DENND1C: variants seen among roughly 807,000 people sequenced by gnomAD.
DENND1C encodes DENN domain-containing protein 1C.
Under a neutral mutation model 87.9 loss-of-function variants are expected in DENND1C, and 64 were observed. That is an observed-to-expected ratio of 0.73 (90% confidence interval 0.60 to 0.90). The LOEUF (loss-of-function observed/expected upper bound fraction) is 0.90, where lower values mean the gene tolerates loss of function less well. Among genes scored for constraint, DENND1C ranks in the 40% least tolerant of loss-of-function variants. DENND1C has a pLI of 0.00. For missense variants in DENND1C, 980 were observed against 1,037.0 expected (o/e 0.95, Z 0.76); for synonymous variants, 384 against 424.4 (o/e 0.90, Z 1.17).
At position 6,468,375 on chromosome 19, in the gene DENND1C, G is replaced by T. The variant is rs1488535133; in HGVS notation, c.1650C>A (p.Phe550Leu). Residue 550 changes from phenylalanine (F) to leucine (L), a missense_variant, in exon 22 of 23, where the codon TTC becomes TTA. Physicochemically the swap from Phe to Leu is conservative, Grantham distance 22 (BLOSUM62 0). Transcript: ENST00000381480. ...PWAEEALDSS[F>L]LGSGEELDLL... is the part of the protein sequence containing the mutation. ...AATCCAGTTCTTCTCCAGACCCCAAGAAGCTGCTGTCCAGAGCTTCTTCTG... is the reference window on the plus strand; with the variant it reads ...AATCCAGTTCTTCTCCAGACCCCAATAAGCTGCTGTCCAGAGCTTCTTCTG... The T allele has an allele frequency of 1.2e-6, 2 of 1,613,804 alleles. No individual in the cohort carries two copies. The highest frequency in any genetic ancestry group is 1.7e-6 in the Non-Finnish European group (2 of 1,179,868).
At chr19:6,478,898 G>A (rs2092879138) in intron 5 of DENND1C, 39 bp downstream of exon 5, 1 of 1,613,894 alleles carries the variant, frequency 6.2e-7, no homozygotes. Flanking sequence ...CTAGGCCTCG[G>A]CCTTTCCCAT....
chr19:6,469,734 T>G lies in DENND1C; in HGVS notation c.1363-94A>C. 3 of 1,364,304 alleles carry G rather than the reference T, an allele frequency of 2.2e-6. No individual in the cohort carries two copies. The South Asian group carries it at 3.8e-5, about 17-fold the overall frequency. The allele number at this position is 1,364,304 out of a possible 1,614,324, so 84.5% of individuals were successfully genotyped here. Reference sequence around the variant, plus strand: ...TGTCCCCTAAGATAGCTTTTTTTTTTGCCATCTGCATGTCTCAAATACGTT... The same window carrying G: ...TGTCCCCTAAGATAGCTTTTTTTTTGGCCATCTGCATGTCTCAAATACGTT... On this transcript the variant is annotated intron_variant, in intron 18 of 22. Transcript: ENST00000381480.
Position 6,471,403 on chromosome 19 carries a change from C to T in DENND1C, c.1249+3G>A. 1.3e-6 allele frequency: 2 copies of T among 1,585,550 alleles called. No individual in the cohort carries two copies. The highest frequency in any genetic ancestry group is 2.7e-5 in the African/African-American group (2 of 74,344). ...GGACCCAGGGGCTGGACTCAGGGCT[C>T]ACCTGAGGAGGCCCCGCAGCCAGTG... On this transcript the variant is annotated splice_donor_region_variant and intron_variant, in intron 16 of 22. Transcript: ENST00000381480.
intron 1 of DENND1C, among the ~76,000 whole-genome samples, chr19:6,481,242 C>T (rs1412050004): frequency 6.6e-6 from 1 of 151,850 alleles, no homozygotes; most frequent in African/African-American, 2.4e-5. Context: ...CACTGTCCCG[C>T]CCAGTTGCAC....
intron 1 of DENND1C, chr19:6,480,561 C>CCCACCTAT (rs1295403199): frequency 1.6e-5 from 2 of 124,946 alleles, no homozygotes; most frequent in Admixed American, 2.6e-4. Flanking sequence ...CACCCACCCA[C>CCCACCTAT]CTATCTATCT....
In DENND1C at chr19:6,467,650, C is replaced by T; in HGVS notation, c.2260G>A (p.Ala754Thr). The T allele has an allele frequency of 6.5e-7, 1 of 1,537,244 alleles. No homozygotes were observed. Among genetic ancestry groups the T allele is most frequent in the South Asian group, 1.3e-5 (1 of 77,980 alleles). The stretch of plus-strand genomic sequence containing the variant: ...AGGTGAGCGCGCTCTGCCAGCAGGG[C>T]TTTGGGAGGCCGGGCTCTGGGGTCC... ...LEDPRARPPK[A>T]LLAERAHLQP... The change falls in exon 23 of 23, where the codon GCC becomes ACC. Residue 754 changes from alanine to threonine, a missense_variant. By Grantham distance (58) the Ala-to-Thr change is moderately conservative (BLOSUM62 0). Coordinates refer to ENST00000381480, the MANE Select transcript of DENND1C (RefSeq NM_024898.4).
intron 10 of DENND1C, 66 bp from the exon 11 acceptor site, chr19:6,476,003 G>C (rs1022960390): frequency 1.4e-5 from 19 of 1,388,266 alleles, no homozygotes; most frequent in Non-Finnish European, 1.7e-5. Flanking sequence ...TCTTCCAGCT[G>C]CATTTCCCAC....
At position 6,479,286 on chromosome 19, in the gene DENND1C, T is replaced by C. The variant is rs560663799; in HGVS notation, c.177-230A>G. ...CTGGATCTCTGGGTTTCTGGATCTC[T>C]GGGTCCTTGAATCCCTAAGTCCCTG... is the stretch of plus-strand genomic sequence containing the variant. On this transcript the variant is annotated intron_variant, in intron 4 of 22. Transcript: ENST00000381480. 1.7e-4 allele frequency among the ~76,000 whole-genome samples: 25 copies of C among 150,236 alleles called. 1 individual carries two copies. The South Asian group carries it at 5.2e-3, about 31-fold the overall frequency.
In DENND1C at chr19:6,469,077, G is replaced by C. The variant is rs145212451; in HGVS notation, c.1408-124C>G. ...ATGAAGCTTCACTCATGTTGCCCAGGCTGGAGTGCAGTGGTGCCATCTCGG... is the reference window on the plus strand; with the variant it reads ...ATGAAGCTTCACTCATGTTGCCCAGCCTGGAGTGCAGTGGTGCCATCTCGG... On this transcript the variant is annotated intron_variant, in intron 19 of 22. Coordinates refer to ENST00000381480, the MANE Select transcript of DENND1C (RefSeq NM_024898.4). 1.6e-3 allele frequency: 912 copies of C among 562,794 alleles called. 4 individuals are homozygous for C. The highest frequency in any genetic ancestry group is 0.016 in the African/African-American group (821 of 51,386). The allele number at this position is 562,794 out of a possible 1,614,324, so 34.9% of individuals were successfully genotyped here.
chr19:6,477,525 T>C, intron 6 of DENND1C, 67 bp from the exon 7 acceptor site: 5 of 1,464,894 alleles, frequency 3.4e-6, no homozygotes, highest in Non-Finnish European at 3.8e-6. Context: ...CCGAGGGCTA[T>C]GACTAAGGTT....
At chr19:6,470,622 T>TTTTTG (rs1412630964) in intron 17 of DENND1C, among the ~76,000 whole-genome samples, 2 of 143,558 alleles carry the variant, frequency 1.4e-5, no homozygotes, top group African/African-American at 2.6e-5. Flanking sequence ...TTTTTTTTGT[T>TTTTTG]TTTTTTTTTT....
At chr19:6,476,273 G>C (rs1256058999) in intron 10 of DENND1C, 1 of 309,148 alleles carries the variant, frequency 3.2e-6, no homozygotes, top group African/African-American at 2.2e-5. Flanking sequence ...CTATGACGTA[G>C]ACCGCCCTTG....
chr19:6,472,503 G>A lies in DENND1C; in HGVS notation c.1158+386C>T, dbSNP rs1246429387. On this transcript the variant is annotated intron_variant, in intron 15 of 22. Transcript: ENST00000381480. Reference sequence around the variant, plus strand: ...CCTCCCGGGTTCAAACGATTCTCCTGCCTCAGCCTCCTGAGTAGCTGGGAT... The same window carrying A: ...CCTCCCGGGTTCAAACGATTCTCCTACCTCAGCCTCCTGAGTAGCTGGGAT... Among the ~76,000 whole-genome samples, 3 of 152,272 alleles carry A rather than the reference G, an allele frequency of 2.0e-5. No homozygotes were observed. In the East Asian group the frequency reaches 5.8e-4, roughly 29 times the overall value.
chr19:6,468,113 G>T lies in DENND1C; in HGVS notation c.1797C>A (p.Asn599Lys). ...TATCGTCTGGTTGCCATCTTGGTAT[G>T]TTGGGCTAGGTGAGATGGATAGGGA... Reference protein sequence around the residue: ...GDLDSCFSLPNIPRWQPDDKK... With the variant: ...GDLDSCFSLPKIPRWQPDDKK... The change falls in exon 23 of 23, where the codon AAC (asparagine) becomes AAA (lysine). Residue 599 changes from asparagine (N) to lysine (K), a missense_variant. Physicochemically the swap from Asn to Lys is moderately conservative, Grantham distance 94. Coordinates refer to ENST00000381480, the MANE Select transcript of DENND1C (RefSeq NM_024898.4). The T allele has an allele frequency of 6.2e-7, 1 of 1,613,454 alleles. No individual in the cohort carries two copies. Among genetic ancestry groups the T allele is most frequent in the Non-Finnish European group, 8.5e-7 (1 of 1,179,612 alleles).
intron 6 of DENND1C, chr19:6,477,682 C>A (rs952978915): frequency 5.8e-6 from 1 of 171,650 alleles, no homozygotes; most frequent in South Asian, 2.0e-4. Context: ...CTCCTGGGCT[C>A]AAGGGATCCT....
chr19:6,480,588 A>G (rs1913504963), intron 1 of DENND1C: 2 of 360,830 alleles, frequency 5.5e-6, no homozygotes, highest in Non-Finnish European at 7.3e-6. Flanking sequence ...CTATCTATCT[A>G]TCTATCTATC....
intron 1 of DENND1C, 169 bp downstream of exon 1, chr19:6,481,510 C>A: frequency 1.1e-6 from 1 of 901,652 alleles, no homozygotes; most frequent in South Asian, 1.7e-5. Context: ...AGTGGCCTGT[C>A]CCAGAGTGAA....
At chr19:6,470,981 G>T (rs566740516) in intron 17 of DENND1C, among the ~76,000 whole-genome samples, 351 of 151,872 alleles carry the variant, frequency 2.3e-3, no homozygotes, top group Non-Finnish European at 3.1e-3. Flanking sequence ...TTGAGACAGG[G>T]TCTTGCTCTG....
Position 6,468,928 on chromosome 19 carries a change from C to A in DENND1C, c.1433G>T (p.Gly478Val). ...GAGGGCTGGGGCCCTCAGAGAGCCC[C>A]CCCTCTGCAGGACAGAGTCCCCATC... ...YKDGDSVLQR[G>V]GSLRAPALPS... Residue 478 changes from glycine to valine, a missense_variant, in exon 20 of 23, where the codon GGG becomes GTG. Physicochemically the swap from Gly to Val is moderately radical, Grantham distance 109. Coordinates refer to ENST00000381480, the MANE Select transcript of DENND1C (RefSeq NM_024898.4). 1 of 1,468,466 alleles carries A rather than the reference C, an allele frequency of 6.8e-7. No individual in the cohort carries two copies. Among genetic ancestry groups the A allele is most frequent in the Non-Finnish European group, 9.0e-7 (1 of 1,113,990 alleles). 91.0% of individuals were successfully genotyped at this position (1,468,466 alleles called of 1,614,324 possible).
Sources: allele counts gnomAD v4.1 joint callset (sites outside exome capture counted in the v4.1 genomes callset), GRCh38; gene constraint gnomAD v4.1.1; transcripts MANE v1.5; gene names NCBI Gene and HGNC (gene_info 2026-07-23, HGNC 2026-07-21).